The following CCDC171 variants were observed in gnomAD, a reference collection of about 807,000 sequenced individuals.
CCDC171 encodes coiled-coil domain containing 171.
In CCDC171, 177 loss-of-function variants were observed where a neutral mutation model predicts 168.2. The ratio of observed to expected loss-of-function variants is 1.05; its 90% CI spans 0.93 to 1.19. The LOEUF is 1.19. CCDC171 is among the 50% of genes most tolerant of loss of function. The pLI, the probability that CCDC171 is intolerant of heterozygous loss-of-function variation, is 0.00. For synonymous variants in CCDC171, 687 were observed against 540.8 expected, an observed-to-expected ratio of 1.27 and a Z score of -3.75; for missense variants, 1,991 against 1,539.0, an observed-to-expected ratio of 1.29 and a Z score of -4.91.
chr9:15,993,387 C>T (rs1013382448), intron 3 of CCDC171, among the ~76,000 whole-genome samples: 5 of 152,080 alleles, frequency 3.3e-5, no homozygotes, highest in Non-Finnish European at 7.4e-5. Context: ...AACTGGATAG[C>T]CATATGTAGA....
At chr9:15,595,857 G>C (rs1401792439) in intron 6 of CCDC171, among the ~76,000 whole-genome samples, 1 of 152,254 alleles carries the variant, frequency 6.6e-6, no homozygotes, top group East Asian at 1.9e-4. Flanking sequence ...TGTGAGATAG[G>C]TACCTCATTG....
intron 4 of CCDC171, among the ~76,000 whole-genome samples, chr9:16,021,787 G>A (rs1404055587): frequency 1.3e-5 from 2 of 152,206 alleles, no homozygotes; most frequent in Non-Finnish European, 2.9e-5. Flanking sequence ...GATTTGCGAT[G>A]TCCCCCTATC....
At chr9:15,641,577 C>T (rs962488411) in intron 7 of CCDC171, among the ~76,000 whole-genome samples, 1 of 152,116 alleles carries the variant, frequency 6.6e-6, no homozygotes, top group Non-Finnish European at 1.5e-5. Flanking sequence ...GAATTGGAGT[C>T]TTCAGCTCAT....
At chr9:15,804,677 A>T (rs140989614) in intron 21 of CCDC171, among the ~76,000 whole-genome samples, 9 of 152,098 alleles carry the variant, frequency 5.9e-5, no homozygotes, top group Admixed American at 4.6e-4. Context: ...TTCATTAAGA[A>T]TATTAGCCTG....
At chr9:15,598,642 A>G (rs530244811) in intron 6 of CCDC171, among the ~76,000 whole-genome samples, 4 of 152,006 alleles carry the variant, frequency 2.6e-5, no homozygotes, top group Non-Finnish European at 5.9e-5. Flanking sequence ...TGGTGTGGAG[A>G]GTTCTGTAGA....
intron 6 of CCDC171, among the ~76,000 whole-genome samples, chr9:15,602,945 A>G (rs866594488): frequency 6.7e-4 from 102 of 152,076 alleles, no homozygotes; most frequent in African/African-American, 2.4e-3. Context: ...GGCGTGAGCC[A>G]TCTCGCCTAG....
chr9:15,892,717 A>G (rs116264261), intron 24 of CCDC171, among the ~76,000 whole-genome samples: 3,466 of 152,214 alleles, frequency 0.023, 137 homozygotes, highest in African/African-American at 0.079. Context: ...ACCTAGGAAT[A>G]CAGCTAACAA....
intron 25 of CCDC171, among the ~76,000 whole-genome samples, chr9:15,950,141 A>C (rs1324183342): frequency 2.6e-5 from 4 of 152,164 alleles, no homozygotes; most frequent in Admixed American, 6.6e-5. Context: ...GACCAAATCT[A>C]CGTCTGATTG....
intron 24 of CCDC171, among the ~76,000 whole-genome samples, chr9:15,916,995 G>A (rs1824621141): frequency 6.6e-6 from 1 of 151,890 alleles, no homozygotes; most frequent in African/African-American, 2.4e-5. Context: ...ATGCTGTTTT[G>A]TCATTGTTTC....
intron 24 of CCDC171, among the ~76,000 whole-genome samples, chr9:15,885,061 A>G (rs1819205774): frequency 6.6e-6 from 1 of 152,216 alleles, no homozygotes; most frequent in Admixed American, 6.5e-5. Flanking sequence ...TTAAATAATC[A>G]TATAAAGTAA....
intron 3 of CCDC171, among the ~76,000 whole-genome samples, chr9:15,996,553 C>G (rs181927566): frequency 3.9e-4 from 59 of 150,628 alleles, no homozygotes; most frequent in African/African-American, 1.3e-3. Flanking sequence ...TGTCGGCACT[C>G]AAAATGTTTT....
intron 6 of CCDC171, among the ~76,000 whole-genome samples, chr9:16,035,132 C>A (rs916985821): frequency 6.6e-6 from 1 of 152,110 alleles, no homozygotes; most frequent in African/African-American, 2.4e-5. Flanking sequence ...TCTTAGCTCC[C>A]AGGTTTTGAC....
chr9:15,704,463 T>C (rs2052050339), intron 11 of CCDC171, among the ~76,000 whole-genome samples: 1 of 152,232 alleles, frequency 6.6e-6, no homozygotes. Context: ...TTACCTCCTT[T>C]TTGTCTCTTG....
chr9:15,601,671 A>G (rs182144420), intron 6 of CCDC171, among the ~76,000 whole-genome samples: 3 of 152,294 alleles, frequency 2.0e-5, no homozygotes, highest in Non-Finnish European at 4.4e-5. Flanking sequence ...TTTTAAATAA[A>G]ATGCTGTAGT....
At chr9:16,095,088 A>G in the CCDC171 span, among the ~76,000 whole-genome samples, 1 of 152,162 alleles carries the variant, frequency 6.6e-6, no homozygotes, top group Non-Finnish European at 1.5e-5. Flanking sequence ...TGCTTCCTGT[A>G]CAGCCTGCAG....
chr9:15,673,049 TCTC>T (rs1157729431), intron 9 of CCDC171, among the ~76,000 whole-genome samples: 9 of 152,184 alleles, frequency 5.9e-5, no homozygotes, highest in Non-Finnish European at 1.2e-4. Flanking sequence ...GGTTTGTAGT[TCTC>T]CTTGAAGAGG....
chr9:15,556,604 A>C (rs2038820701), intron 1 of CCDC171, among the ~76,000 whole-genome samples: 1 of 151,856 alleles, frequency 6.6e-6, no homozygotes, highest in Non-Finnish European at 1.5e-5. Flanking sequence ...TTTTTCTTGT[A>C]AATTTGTTTA....
At chr9:15,999,923 C>T (rs1478583617) in intron 3 of CCDC171, among the ~76,000 whole-genome samples, 2 of 152,132 alleles carry the variant, frequency 1.3e-5, no homozygotes, top group Admixed American at 6.5e-5. Flanking sequence ...AGTATCTAAG[C>T]GCTCTTCCTT....
intron 21 of CCDC171, among the ~76,000 whole-genome samples, chr9:15,834,204 T>A (rs2060347239): frequency 6.6e-6 from 1 of 152,184 alleles, no homozygotes; most frequent in Non-Finnish European, 1.5e-5. Flanking sequence ...ATATTTAATT[T>A]AATTGTCATC....
Sources: allele counts gnomAD v4.1 joint callset (sites outside exome capture counted in the v4.1 genomes callset), GRCh38; gene constraint gnomAD v4.1.1; transcripts MANE v1.5; gene names NCBI Gene and HGNC (gene_info 2026-07-23, HGNC 2026-07-21).